The following USP40 variants were observed in gnomAD, a reference collection of about 807,000 sequenced individuals.
USP40 encodes ubiquitin carboxyl-terminal hydrolase 40.
In USP40, 143 loss-of-function variants were observed where a neutral mutation model predicts 166.2. The observed-to-expected ratio is 0.86, with a 90% CI of 0.75 to 0.99. USP40 has a LOEUF of 0.99. USP40 is among the 50% of genes least tolerant of loss of function. The pLI is 0.00. For missense variants in USP40, 1,444 were observed against 1,479.7 expected, an observed-to-expected ratio of 0.98 and a Z score of 0.40; for synonymous variants, 498 against 524.0, an observed-to-expected ratio of 0.95 and a Z score of 0.68.
chr2:233,552,721 T>C (rs1302338386), intron 6 of USP40, among the ~76,000 whole-genome samples: 1 of 152,210 alleles, frequency 6.6e-6, no homozygotes, highest in Non-Finnish European at 1.5e-5. Flanking sequence ...CAGTATAAAA[T>C]TCAATCTTCC....
chr2:233,536,838 A>G (rs1218725689), intron 10 of USP40, among the ~76,000 whole-genome samples: 1 of 152,150 alleles, frequency 6.6e-6, no homozygotes, highest in Admixed American at 6.5e-5. Context: ...ACTTAAAAAT[A>G]CAGTACAACT....
chr2:233,526,246 T>C (rs2068018690), intron 13 of USP40, among the ~76,000 whole-genome samples: 1 of 152,200 alleles, frequency 6.6e-6, no homozygotes, highest in Non-Finnish European at 1.5e-5. Flanking sequence ...GGCTTCCTTC[T>C]AAGAGAATAG....
intron 13 of USP40, 82 bp downstream of exon 13, chr2:233,527,325 G>T (rs922385359): frequency 2.1e-6 from 3 of 1,452,526 alleles, no homozygotes; most frequent in South Asian, 2.8e-5. Context: ...AAATAAAGTT[G>T]TATCCTAAAC....
intron 10 of USP40, among the ~76,000 whole-genome samples, chr2:233,535,577 T>C (rs115564476): frequency 2.6e-3 from 398 of 152,226 alleles, no homozygotes; most frequent in South Asian, 4.6e-3. Context: ...AAAGCCAAAA[T>C]TGTAACAGAC....
chr2:233,513,754 G>A lies in USP40; in HGVS notation c.2384-1132C>T, dbSNP rs77845147. Reference sequence around the variant, plus strand: ...GCTATGTTTGAGGATACAGATTCTTGCTTTGGAAGAATATATTTCCTCAAG... The same window carrying A: ...GCTATGTTTGAGGATACAGATTCTTACTTTGGAAGAATATATTTCCTCAAG... On this transcript the variant is annotated intron_variant, in intron 18 of 31. Coordinates refer to ENST00000678225, the MANE Select transcript of USP40 (RefSeq NM_001365479.2). Among the ~76,000 whole-genome samples, 1,053 of 152,134 alleles carry A rather than the reference G, an allele frequency of 6.9e-3. 10 individuals carry two copies. Among genetic ancestry groups the A allele is most frequent in the African/African-American group, 0.024 (981 of 41,474 alleles).
At chr2:233,540,101 G>A (rs1169274552) in intron 10 of USP40, among the ~76,000 whole-genome samples, 3 of 148,360 alleles carry the variant, frequency 2.0e-5, no homozygotes. Flanking sequence ...CTCCAGCCTG[G>A]GCGACAGAGT....
intron 18 of USP40, among the ~76,000 whole-genome samples, chr2:233,515,925 T>A (rs978730474): frequency 6.6e-6 from 1 of 152,230 alleles, no homozygotes; most frequent in African/African-American, 2.4e-5. Context: ...CAGCACTATT[T>A]GTTGAAAAAA....
chr2:233,540,586 C>G, intron 10 of USP40, 76 bp downstream of exon 10: 1 of 854,176 alleles, frequency 1.2e-6, no homozygotes, highest in East Asian at 2.6e-5. Flanking sequence ...TATCCTTCTG[C>G]AAAGGAATTC....
chr2:233,494,922 A>T (rs868401669), intron 24 of USP40, among the ~76,000 whole-genome samples: 800 of 25,442 alleles, frequency 0.031, 34 homozygotes, highest in African/African-American at 0.15. Context: ...TGGCATATAT[A>T]TATATATATA....
At chr2:233,485,681 A>G in intron 29 of USP40, 55 bp from the exon 30 acceptor site, 1 of 1,602,500 alleles carries the variant, frequency 6.2e-7, no homozygotes. Context: ...AGTTCTCACT[A>G]ACTTCTCTAT....
Position 233,480,101 on chromosome 2 carries a change from A to G in USP40, c.3599+1102T>C, listed in dbSNP as rs2064472001. ...CCACGCTCGAACCCCCACTTCTGCC[A>G]TGGTCACGAGGTCACGCTCACCTGC... On this transcript the variant is annotated intron_variant, in intron 31 of 31. Transcript: ENST00000678225. This position sits in a 1 kb window ranked among gnomAD's most constrained non-coding sequence, Gnocchi z 4.5. Among the ~76,000 whole-genome samples the G allele has an allele frequency of 6.6e-6, 1 of 152,104 alleles. No individual in the cohort carries two copies. The highest frequency in any genetic ancestry group is 1.5e-5 in the Non-Finnish European group (1 of 68,012).
chr2:233,486,209 C>A lies in USP40; in HGVS notation c.3198-232G>T, dbSNP rs2064937567. ...CCATTCTCGGTACACAGCAGAGCCC[C>A]CCCAGACGTGGTAGGGAACTTCCTC... On this transcript the variant is annotated intron_variant, in intron 28 of 31. Coordinates refer to ENST00000678225, the MANE Select transcript of USP40 (RefSeq NM_001365479.2). This position sits in a 1 kb window ranked among gnomAD's most constrained non-coding sequence, Gnocchi z 4.0. Among the ~76,000 whole-genome samples the A allele has an allele frequency of 6.6e-6, 1 of 152,150 alleles. No individual in the cohort carries two copies. The highest frequency in any genetic ancestry group is 2.1e-4 in the South Asian group (1 of 4,810).
intron 10 of USP40, among the ~76,000 whole-genome samples, chr2:233,539,681 A>C (rs1266053082): frequency 6.6e-6 from 1 of 152,130 alleles, no homozygotes; most frequent in Non-Finnish European, 1.5e-5. Flanking sequence ...TATAGCTTTA[A>C]AAGTATTAGA....
In USP40 at chr2:233,549,100, C is replaced by T. The variant is rs1218805077; in HGVS notation, c.966+1G>A. The T allele has an allele frequency of 6.3e-7, 1 of 1,592,744 alleles. No homozygotes were observed. Among genetic ancestry groups the T allele is most frequent in the South Asian group, 1.2e-5 (1 of 86,180 alleles). On this transcript the variant is annotated splice_donor_variant, in intron 8 of 31. Coordinates refer to ENST00000678225, the MANE Select transcript of USP40 (RefSeq NM_001365479.2). LOFTEE classifies it high-confidence loss of function. ...ATTTCTAAACGAATTTCTATACGTA[C>T]TTGAAACTGCCAGTTTCCCAAATGA...
intron 14 of USP40, 83 bp from the exon 15 acceptor site, chr2:233,524,645 T>C (rs956714035): frequency 8.3e-6 from 9 of 1,086,556 alleles, no homozygotes; most frequent in Middle Eastern, 2.1e-4. Context: ...CAAATATTTG[T>C]TTGAAAAAGT....
intron 8 of USP40, chr2:233,545,740 C>A: frequency 4.5e-6 from 1 of 223,986 alleles, no homozygotes; most frequent in Non-Finnish European, 9.4e-6. Context: ...TCCATGTATG[C>A]AGGGCACAGC....
Position 233,480,493 on chromosome 2 carries a change from C to G in USP40, c.3599+710G>C, listed in dbSNP as rs1050537573. ...GCGAACTGAGCCTCACGCCCCAGTT[C>G]CGGGTGTGTGGCCTGGAGGCCTGAA... On this transcript the variant is annotated intron_variant, in intron 31 of 31. Transcript: ENST00000678225. The surrounding 1 kb of genome is among the most constrained non-coding windows in gnomAD (Gnocchi z 4.5). Among the ~76,000 whole-genome samples, 2 of 152,198 alleles carry G rather than the reference C, an allele frequency of 1.3e-5. No individual in the cohort carries two copies. The highest frequency in any genetic ancestry group is 2.4e-5 in the African/African-American group (1 of 41,448).
At position 233,565,959 on chromosome 2, in the gene USP40, GCCACAACTAAT is replaced by G. The variant is rs113303254; in HGVS notation, c.-19-397_-19-387del. Among the ~76,000 whole-genome samples, 394 of 152,192 alleles carry G rather than the reference GCCACAACTAAT, an allele frequency of 2.6e-3. 2 individuals carry two copies. The highest frequency in any genetic ancestry group is 8.8e-3 in the African/African-American group (366 of 41,504). Reference sequence around the variant, plus strand: ...ATTTTTTTAAAAAAGAAAACCTGTTGCCACAACTAATCCACTGCTGGGACGGCAAAGCCAAC... The same window carrying G: ...ATTTTTTTAAAAAAGAAAACCTGTTGCCACTGCTGGGACGGCAAAGCCAAC... On this transcript the variant is annotated intron_variant, in intron 1 of 31. Coordinates refer to ENST00000678225, the MANE Select transcript of USP40 (RefSeq NM_001365479.2).
In USP40 at chr2:233,559,191, T is replaced by C. The variant is rs543255026; in HGVS notation, c.381+620A>G. ...TGCTGACAAGTGTGTAGTGTTCGTATACAGTAGAATGCCTTTTAGAACTCA... is the reference window on the plus strand; with the variant it reads ...TGCTGACAAGTGTGTAGTGTTCGTACACAGTAGAATGCCTTTTAGAACTCA... On this transcript the variant is annotated intron_variant, in intron 4 of 31. Coordinates refer to ENST00000678225, the MANE Select transcript of USP40 (RefSeq NM_001365479.2). Among the ~76,000 whole-genome samples, 72 of 152,210 alleles carry C rather than the reference T, an allele frequency of 4.7e-4. 1 individual carries two copies. Among genetic ancestry groups the C allele is most frequent in the Non-Finnish European group, 8.4e-4 (57 of 68,036 alleles).
Sources: allele counts gnomAD v4.1 joint callset (sites outside exome capture counted in the v4.1 genomes callset), GRCh38; gene constraint gnomAD v4.1.1; non-coding constraint Gnocchi (gnomAD v3.1); transcripts MANE v1.5; gene names NCBI Gene and HGNC (gene_info 2026-07-23, HGNC 2026-07-21).